The following LRP1B variants were observed in gnomAD, a reference collection of about 807,000 sequenced individuals.
LRP1B encodes low-density lipoprotein receptor-related protein 1B.
Under a neutral mutation model 556.6 loss-of-function variants are expected in LRP1B, and 217 were observed. That is an observed-to-expected ratio of 0.39 (90% CI 0.35 to 0.44). The LOEUF is 0.44. LRP1B is among the 20% of genes least tolerant of loss of function. The pLI is 1.00. For missense variants in LRP1B, 5,053 were observed against 5,620.8 expected (o/e 0.90, Z 3.23); for synonymous variants, 2,047 against 1,865.8 (o/e 1.10, Z -2.50).
rs1050027878 is a variant in LRP1B at position 140,509,954 on chromosome 2, C to T, written c.8372G>A (p.Ser2791Asn). The change falls in exon 52 of 91, where the codon AGC becomes AAC. Residue 2791 changes from serine (S) to asparagine (N), a missense_variant. Physicochemically the swap from Ser to Asn is conservative, Grantham distance 46. Coordinates refer to ENST00000389484, the MANE Select transcript of LRP1B (RefSeq NM_018557.3). Reference sequence around the variant, plus strand: ...GCAGCCTGCTGTGGAAAGCTCATCGCTTCCATCTGGACAGTCCCTTTCACC... The same window carrying T: ...GCAGCCTGCTGTGGAAAGCTCATCGTTTCCATCTGGACAGTCCCTTTCACC... Reference protein sequence around the residue: ...CDGERDCPDGSDELSTAGCAP... With the variant: ...CDGERDCPDGNDELSTAGCAP... The T allele has an allele frequency of 6.2e-7, 1 of 1,613,900 alleles. No individual in the cohort carries two copies. Among genetic ancestry groups the T allele is most frequent in the Non-Finnish European group, 8.5e-7 (1 of 1,180,000 alleles).
intron 47 of LRP1B, among the ~76,000 whole-genome samples, chr2:140,528,575 A>C (rs1487062061): frequency 2.6e-5 from 4 of 151,818 alleles, no homozygotes. Context: ...AGTGTGTAAG[A>C]GGTGCAAGTA....
intron 43 of LRP1B, among the ~76,000 whole-genome samples, chr2:140,553,303 G>A (rs1680612152): frequency 6.6e-6 from 1 of 151,820 alleles, no homozygotes; most frequent in South Asian, 2.1e-4. Flanking sequence ...ACTTACCTGA[G>A]GGAGTTTGTA....
chr2:141,223,331 G>C (rs756224579), intron 6 of LRP1B, among the ~76,000 whole-genome samples: 4 of 152,098 alleles, frequency 2.6e-5, no homozygotes, highest in Non-Finnish European at 5.9e-5. Flanking sequence ...GCTAACAAGG[G>C]AAGTGTAGGG....
chr2:141,473,627 TG>T (rs1274390544), intron 3 of LRP1B, among the ~76,000 whole-genome samples: 2 of 152,164 alleles, frequency 1.3e-5, no homozygotes, highest in African/African-American at 4.8e-5. Context: ...ACTCTTAACT[TG>T]TAAGAGCTTT....
At chr2:141,397,713 G>A (rs1042198912) in intron 3 of LRP1B, among the ~76,000 whole-genome samples, 81 of 151,768 alleles carry the variant, frequency 5.3e-4, no homozygotes, top group African/African-American at 1.9e-3. Flanking sequence ...GTGATAAAAA[G>A]TACAGTTCAA....
intron 53 of LRP1B, 82 bp from the exon 54 acceptor site, chr2:140,503,185 G>A (rs76928339): frequency 0.24 from 271,509 of 1,138,434 alleles, 34,453 homozygotes; most frequent in Non-Finnish European, 0.27. Flanking sequence ...ACACTACACC[G>A]GATTAATGTG....
rs148144677 is a variant in LRP1B, at chr2:141,102,489, G to A, written c.1014-40216C>T. 3.3e-5 allele frequency among the ~76,000 whole-genome samples: 5 copies of A among 152,054 alleles called. No homozygotes were observed. The East Asian group carries it at 7.7e-4, about 24-fold the overall frequency. ...GTGCTCATATCTATCCACCTATATCGGGTTTCTTGCCACCATAACCATGAT... is the reference window on the plus strand; with the variant it reads ...GTGCTCATATCTATCCACCTATATCAGGTTTCTTGCCACCATAACCATGAT... On this transcript the variant is annotated intron_variant, in intron 7 of 90. Coordinates refer to ENST00000389484, the MANE Select transcript of LRP1B (RefSeq NM_018557.3).
At chr2:140,985,394 G>A (rs987666104) in intron 17 of LRP1B, among the ~76,000 whole-genome samples, 1 of 149,724 alleles carries the variant, frequency 6.7e-6, no homozygotes, top group Non-Finnish European at 1.5e-5. Context: ...AGTTATAATT[G>A]GTAGAGGATG....
intron 1 of LRP1B, among the ~76,000 whole-genome samples, chr2:142,016,964 G>A (rs12468928): frequency 0.94 from 141,692 of 151,006 alleles, 66,728 homozygotes; most frequent in East Asian, 1. Flanking sequence ...ATAATTGTAT[G>A]TGTGTGTATA....
chr2:140,691,348 A>G (rs142045713), intron 41 of LRP1B, among the ~76,000 whole-genome samples: 1,834 of 152,032 alleles, frequency 0.012, 40 homozygotes, highest in African/African-American at 0.04. Flanking sequence ...GCACATGCCT[A>G]TAATCCCAGC....
At chr2:140,804,748 A>C (rs2105016721) in intron 32 of LRP1B, among the ~76,000 whole-genome samples, 1 of 147,632 alleles carries the variant, frequency 6.8e-6, no homozygotes, top group East Asian at 2.0e-4. Flanking sequence ...TTTATCATAC[A>C]ATGTCTAGAG....
At chr2:141,391,406 T>C (rs1690044410) in intron 3 of LRP1B, among the ~76,000 whole-genome samples, 1 of 152,060 alleles carries the variant, frequency 6.6e-6, no homozygotes, top group Non-Finnish European at 1.5e-5. Context: ...TGAAGGACAG[T>C]ATTACAAGAA....
chr2:140,327,841 G>A (rs1164986865), intron 79 of LRP1B, among the ~76,000 whole-genome samples: 1 of 151,796 alleles, frequency 6.6e-6, no homozygotes, highest in Non-Finnish European at 1.5e-5. Flanking sequence ...TATCAGCTCT[G>A]GCCATATTTT....
intron 41 of LRP1B, among the ~76,000 whole-genome samples, chr2:140,670,993 G>A (rs1418269228): frequency 6.6e-6 from 1 of 152,108 alleles, no homozygotes; most frequent in Non-Finnish European, 1.5e-5. Context: ...TATAGGGCAG[G>A]CCTACCATTT....
In LRP1B at chr2:140,994,024, T is replaced by C. The variant is rs1245594515; in HGVS notation, c.2615A>G (p.Asp872Gly). 4 of 1,612,540 alleles carry C rather than the reference T, an allele frequency of 2.5e-6. No homozygotes were observed. In the South Asian group the frequency reaches 4.4e-5, roughly 18 times the overall value. The change falls in exon 16 of 91, where the codon GAC (aspartate) becomes GGC (glycine). Residue 872 changes from aspartate (D) to glycine (G), a missense_variant. Transcript: ENST00000389484. ...GTTTACTGAATCCTCATCGCTTCCG[T>C]CTAGGCAGTCATCGTCGCCATCACA... ...WKCDGDDDCLDGSDEDSVNCF... is the reference protein window; with the variant it reads ...WKCDGDDDCLGGSDEDSVNCF...
chr2:141,421,803 T>C (rs1231673829), intron 3 of LRP1B, among the ~76,000 whole-genome samples: 1 of 152,150 alleles, frequency 6.6e-6, no homozygotes, highest in Non-Finnish European at 1.5e-5. Flanking sequence ...CCAGGCAGAC[T>C]CTTTCTCTAT....
intron 1 of LRP1B, among the ~76,000 whole-genome samples, chr2:141,955,936 G>T (rs1421780029): frequency 6.6e-6 from 1 of 151,924 alleles, no homozygotes; most frequent in Non-Finnish European, 1.5e-5. Flanking sequence ...AGGTGCAGTG[G>T]TTCGCAACTG....
intron 43 of LRP1B, among the ~76,000 whole-genome samples, chr2:140,589,253 A>G (rs1033567537): frequency 6.6e-6 from 1 of 152,208 alleles, no homozygotes; most frequent in Non-Finnish European, 1.5e-5. Flanking sequence ...ATGGAAAAAC[A>G]AACTACAAAG....
chr2:140,272,218 ATTTTCT>A (rs980812484), intron 85 of LRP1B, among the ~76,000 whole-genome samples: 68 of 149,794 alleles, frequency 4.5e-4, no homozygotes, highest in African/African-American at 1.7e-3. Context: ...AATTTTCATA[ATTTTCT>A]TTTTTAGAGG....
Sources: gnomAD v4.1 joint callset for allele counts (sites outside exome capture counted in the v4.1 genomes callset) on GRCh38, gnomAD v4.1.1 for gene constraint, MANE v1.5 for transcripts, NCBI Gene and HGNC (gene_info 2026-07-23, HGNC 2026-07-21) for gene names.